The following REEP5 variants were observed in gnomAD, a reference collection of about 807,000 sequenced individuals.
The protein encoded by REEP5 is receptor expression-enhancing protein 5.
In REEP5, 24 loss-of-function variants were observed where a neutral mutation model predicts 22.4. That is an observed-to-expected ratio of 1.07 (90% CI 0.78 to 1.51). REEP5 has a LOEUF of 1.51. Among genes scored for constraint, REEP5 ranks in the 40% most tolerant of loss-of-function variants. REEP5 has a pLI of 0.00. For missense variants in REEP5, 252 were observed against 233.0 expected (o/e 1.08, Z -0.53); for synonymous variants, 103 against 88.6 (o/e 1.16, Z -0.92).
chr5:112,884,387 A>AT (rs1328520628), intron 4 of REEP5, among the ~76,000 whole-genome samples: 5,779 of 129,850 alleles, frequency 0.045, 166 homozygotes, highest in African/African-American at 0.099. Flanking sequence ...ACCATTTTCT[A>AT]TTTTTTTTTT....
At chr5:112,919,169 GT>G (rs1303968027) in intron 2 of REEP5, among the ~76,000 whole-genome samples, 1 of 152,192 alleles carries the variant, frequency 6.6e-6, no homozygotes, top group African/African-American at 2.4e-5. Flanking sequence ...TGGTCTGAAT[GT>G]TGTGTTCCCC....
chr5:112,883,652 A>G (rs1206233039), intron 4 of REEP5, among the ~76,000 whole-genome samples: 3 of 152,162 alleles, frequency 2.0e-5, no homozygotes, highest in Non-Finnish European at 4.4e-5. Context: ...CCAAATTTAT[A>G]TCTCCAGTCC....
chr5:112,884,551 A>T (rs975628047), intron 4 of REEP5, among the ~76,000 whole-genome samples: 3 of 151,770 alleles, frequency 2.0e-5, no homozygotes, highest in African/African-American at 7.2e-5. Flanking sequence ...CTAATTTTTA[A>T]ATTTTTGTAG....
rs1174583835 is a variant in REEP5 at position 112,876,592 on chromosome 5, T to G, written c.*2194A>C. The G allele has an allele frequency of 6.6e-6, 1 of 152,224 alleles. No individual in the cohort carries two copies. Among genetic ancestry groups the G allele is most frequent in the Admixed American group, 6.5e-5 (1 of 15,274 alleles). 9.4% of individuals were successfully genotyped at this position (152,224 alleles called of 1,614,324 possible). ...TGCAGGAATTCTTTCTTGAAGAATT[T>G]AAGCTGTTTGGTAGGAATTCTGTAA... is the stretch of plus-strand genomic sequence containing the variant. On this transcript the variant is annotated 3_prime_UTR_variant, in exon 5 of 5. Coordinates refer to ENST00000379638, the MANE Select transcript of REEP5 (RefSeq NM_005669.5).
rs781640735 is a variant in REEP5, at chr5:112,922,214, G to C, written c.-24C>G. The C allele has an allele frequency of 3.1e-6, 5 of 1,596,078 alleles. No individual in the cohort carries two copies. Among genetic ancestry groups the C allele is most frequent in the African/African-American group, 2.7e-5 (2 of 73,438 alleles). On this transcript the variant is annotated 5_prime_UTR_variant, in exon 1 of 5. Coordinates refer to ENST00000379638, the MANE Select transcript of REEP5 (RefSeq NM_005669.5). Reference sequence around the variant, plus strand: ...ATGGCGGGGACCGTCTCGCCGCTCGGGGCTGTTCCTAGTGCCGGATAGACT... The same window carrying C: ...ATGGCGGGGACCGTCTCGCCGCTCGCGGCTGTTCCTAGTGCCGGATAGACT...
intron 2 of REEP5, among the ~76,000 whole-genome samples, chr5:112,909,890 TTAAG>T (rs1769050659): frequency 6.6e-6 from 1 of 152,202 alleles, no homozygotes; most frequent in Non-Finnish European, 1.5e-5. Context: ...CCTTCCCAAA[TTAAG>T]TGTCATCTTT....
At chr5:112,893,846 A>C (rs991071037) in intron 3 of REEP5, 4 of 152,200 alleles carry the variant, frequency 2.6e-5, no homozygotes, top group African/African-American at 9.7e-5. Context: ...TGTTACTCTT[A>C]GTTTTCCCAG....
intron 2 of REEP5, among the ~76,000 whole-genome samples, chr5:112,912,602 T>G (rs898529787): frequency 7.0e-4 from 106 of 152,284 alleles, no homozygotes; most frequent in Non-Finnish European, 6.2e-4. Flanking sequence ...ATAGCAAATA[T>G]TCCAGAGGTT....
At chr5:112,903,441 G>A (rs1768890471) in intron 2 of REEP5, among the ~76,000 whole-genome samples, 2 of 152,174 alleles carry the variant, frequency 1.3e-5, no homozygotes, top group African/African-American at 2.4e-5. Flanking sequence ...GGAAAGGGCT[G>A]GGGGTAGTGA....
At chr5:112,921,679 T>A in intron 1 of REEP5, 1 of 234,334 alleles carries the variant, frequency 4.3e-6, no homozygotes, top group Non-Finnish European at 8.3e-6. Context: ...AGGCGCCCTC[T>A]CCGGGCGGAG....
At chr5:112,897,335 C>A (rs532185029) in intron 3 of REEP5, 2 of 147,142 alleles carry the variant, frequency 1.4e-5, no homozygotes, top group African/African-American at 5.1e-5. Context: ...TTCCTCCCTA[C>A]ATAAAACACA....
intron 4 of REEP5, chr5:112,885,410 G>T: frequency 5.3e-6 from 1 of 189,624 alleles, no homozygotes. Context: ...CATGAGTGAA[G>T]ACAGCACTTG....
At chr5:112,891,892 C>G (rs1446989512) in intron 3 of REEP5, 4 of 1,349,024 alleles carry the variant, frequency 3.0e-6, no homozygotes, top group Non-Finnish European at 3.2e-6. Context: ...GCTGAGGGAG[C>G]AGAAGGCACA....
intron 3 of REEP5, chr5:112,897,263 T>C (rs2150042493): frequency 6.6e-6 from 1 of 151,818 alleles, no homozygotes; most frequent in East Asian, 1.9e-4. Flanking sequence ...CACAGACCAA[T>C]ATATTTGCAC....
At chr5:112,922,032 T>G in intron 1 of REEP5, 41 bp downstream of exon 1, 1 of 1,561,504 alleles carries the variant, frequency 6.4e-7, no homozygotes, top group Non-Finnish European at 8.7e-7. Flanking sequence ...CAGCGGCGGC[T>G]CCCGTGGCCC....
At position 112,921,195 on chromosome 5, in the gene REEP5, G is replaced by A. The variant is rs139210182; in HGVS notation, c.180C>T (p.Asn60=). 1.2e-6 allele frequency: 2 copies of A among 1,614,068 alleles called. No individual in the cohort carries two copies. Among genetic ancestry groups the A allele is most frequent in the Admixed American group, 1.7e-5 (1 of 60,008 alleles). ...VFGYGASLLC[N]LIGFGYPAYI... ...AGGCTGGGTAGCCAAATCCTATCAG[G>A]TTGCAGAGGAGAGAGGCTCCATAAC... Residue 60 remains asparagine, a synonymous_variant, in exon 2 of 5, where the codon AAC becomes AAT. Transcript: ENST00000379638.
chr5:112,892,065 G>A (rs761771394), intron 3 of REEP5: 1 of 1,575,654 alleles, frequency 6.3e-7, no homozygotes. Context: ...AAGCTGTGCA[G>A]AAGATGCTGG....
chr5:112,892,661 A>G (rs1368729139), intron 3 of REEP5: 12 of 1,614,022 alleles, frequency 7.4e-6, no homozygotes, highest in Non-Finnish European at 1.0e-5. Flanking sequence ...AGAAATCCCA[A>G]CAATGAATTC....
chr5:112,904,436 G>C (rs929629246), intron 2 of REEP5, among the ~76,000 whole-genome samples: 1 of 152,144 alleles, frequency 6.6e-6, no homozygotes, highest in Non-Finnish European at 1.5e-5. Flanking sequence ...ATTCTGGGCA[G>C]AGGAGATACG....
Sources: allele counts gnomAD v4.1 joint callset (sites outside exome capture counted in the v4.1 genomes callset), GRCh38; gene constraint gnomAD v4.1.1; transcripts MANE v1.5; gene names NCBI Gene and HGNC (gene_info 2026-07-23, HGNC 2026-07-21).